Variants in DENND1A observed in about 807,000 individuals in gnomAD.
DENND1A encodes DENN domain-containing protein 1A.
DENND1A carries 51 observed loss-of-function variants against 113.7 expected under a neutral mutation model. The observed-to-expected ratio is 0.45, with a 90% confidence interval of 0.36 to 0.57. The LOEUF is 0.57. DENND1A is among the 20% of genes least tolerant of loss of function. DENND1A has a pLI of 0.00. For synonymous variants in DENND1A, 565 were observed against 570.8 expected, an observed-to-expected ratio of 0.99 and a Z score of 0.14; for missense variants, 1,258 against 1,395.9, an observed-to-expected ratio of 0.90 and a Z score of 1.57.
chr9:123,381,285 TG>T lies in DENND1A; in HGVS notation c.*146del. ...GGCCAGACATCAGAGATGGGCAGTG[TG>T]GAGGGGAGGAGGGGGCAGCAGAGAG... is the stretch of plus-strand genomic sequence containing the variant. On this transcript the variant is annotated 3_prime_UTR_variant, in exon 24 of 24. Coordinates refer to ENST00000394215, the MANE Select transcript of DENND1A (RefSeq NM_001352964.2). The surrounding 1 kb of genome is among the most constrained non-coding windows in gnomAD (Gnocchi z 4.7). The T allele has an allele frequency of 1.4e-6, 1 of 729,100 alleles. No individual in the cohort carries two copies. Among genetic ancestry groups the T allele is most frequent in the Non-Finnish European group, 2.2e-6 (1 of 446,950 alleles). 45.2% of individuals were successfully genotyped at this position (729,100 alleles called of 1,614,324 possible).
intron 13 of DENND1A, among the ~76,000 whole-genome samples, chr9:123,470,250 C>T (rs2049290295): frequency 6.6e-6 from 1 of 152,160 alleles, no homozygotes; most frequent in Non-Finnish European, 1.5e-5. Context: ...ATGAGTGAGA[C>T]GGTGACGACC....
chr9:123,867,708 C>G (rs1185990787), intron 2 of DENND1A, among the ~76,000 whole-genome samples: 1 of 152,108 alleles, frequency 6.6e-6, no homozygotes, highest in Non-Finnish European at 1.5e-5. Flanking sequence ...TGGTCCTGAA[C>G]AGCTCCCCCA....
At chr9:123,562,866 T>C (rs2057838100) in intron 12 of DENND1A, among the ~76,000 whole-genome samples, 1 of 152,148 alleles carries the variant, frequency 6.6e-6, no homozygotes, top group African/African-American at 2.4e-5. Context: ...TTCTACCTCC[T>C]TTCCTGATGG....
chr9:123,418,258 G>C (rs374559572), intron 19 of DENND1A, among the ~76,000 whole-genome samples: 30 of 152,206 alleles, frequency 2.0e-4, no homozygotes, highest in East Asian at 1.9e-3. Context: ...ACACAAGAGA[G>C]GGTAAGACCG....
chr9:123,480,578 A>T (rs2050253765), intron 13 of DENND1A, among the ~76,000 whole-genome samples: 1 of 152,198 alleles, frequency 6.6e-6, no homozygotes, highest in Non-Finnish European at 1.5e-5. Context: ...CAGGTGCCAT[A>T]GTTCCAGGAA....
chr9:123,694,367 A>T (rs1460448087), intron 5 of DENND1A, among the ~76,000 whole-genome samples: 1 of 152,178 alleles, frequency 6.6e-6, no homozygotes, highest in Non-Finnish European at 1.5e-5. Context: ...ATCAAGCCCA[A>T]CCAGGTGAGG....
At chr9:123,883,597 G>T (rs370375458) in intron 1 of DENND1A, among the ~76,000 whole-genome samples, 41 of 152,248 alleles carry the variant, frequency 2.7e-4, no homozygotes, top group African/African-American at 8.9e-4. Context: ...CAGTTAAGTA[G>T]AATTCTTCCA....
At chr9:123,859,432 T>G (rs1844743343) in intron 2 of DENND1A, among the ~76,000 whole-genome samples, 1 of 151,286 alleles carries the variant, frequency 6.6e-6, no homozygotes, top group South Asian at 2.1e-4. Flanking sequence ...TGACAGACAA[T>G]GCAGGTATAG....
At chr9:123,721,948 C>T (rs2067372222) in intron 5 of DENND1A, among the ~76,000 whole-genome samples, 2 of 152,148 alleles carry the variant, frequency 1.3e-5, no homozygotes, top group Non-Finnish European at 1.5e-5. Context: ...GACTTTGGAA[C>T]TGGGTAACAG....
chr9:123,665,364 T>C (rs907823592), intron 8 of DENND1A, among the ~76,000 whole-genome samples: 4 of 152,158 alleles, frequency 2.6e-5, no homozygotes, highest in African/African-American at 9.7e-5. Flanking sequence ...CGAGTAGTAG[T>C]ACTCAATCAA....
chr9:123,701,393 C>A (rs145407067), intron 5 of DENND1A, among the ~76,000 whole-genome samples: 61 of 152,296 alleles, frequency 4.0e-4, no homozygotes, highest in Non-Finnish European at 6.6e-4. Flanking sequence ...CCTCCCCTTA[C>A]CTCAGGCAGT....
intron 19 of DENND1A, among the ~76,000 whole-genome samples, chr9:123,426,328 C>G (rs973443830): frequency 6.6e-6 from 1 of 152,168 alleles, no homozygotes; most frequent in Non-Finnish European, 1.5e-5. Context: ...ACACAGGACC[C>G]CAGGGATATG....
rs781757978 is a variant in DENND1A, at chr9:123,440,316, A to T, written c.1488+44T>A. On this transcript the variant is annotated intron_variant, in intron 19 of 23. Coordinates refer to ENST00000394215, the MANE Select transcript of DENND1A (RefSeq NM_001352964.2). ...TGCTACTGCTGCTAAAAACAAAAAT[A>T]AAAAAAAAACAAAACAGACAGGTAG... The T allele has an allele frequency of 6.8e-6, 10 of 1,465,068 alleles. No individual in the cohort carries two copies. The African/African-American group carries it at 8.8e-5, about 13-fold the overall frequency. 90.8% of individuals were successfully genotyped at this position (1,465,068 alleles called of 1,614,324 possible). A position where few individuals can be genotyped will look rare whatever the true frequency, so the allele number is the denominator to read the frequency against.
chr9:123,497,889 T>C (rs1049878022), intron 13 of DENND1A, among the ~76,000 whole-genome samples: 4 of 151,192 alleles, frequency 2.6e-5, no homozygotes, highest in African/African-American at 7.3e-5. Flanking sequence ...AATGGGACAC[T>C]GATTTTATAA....
intron 13 of DENND1A, among the ~76,000 whole-genome samples, chr9:123,529,920 C>T (rs887601581): frequency 2.6e-5 from 4 of 152,134 alleles, no homozygotes; most frequent in Non-Finnish European, 5.9e-5. Flanking sequence ...TATTTTACCT[C>T]GGGAAAAATC....
intron 22 of DENND1A, among the ~76,000 whole-genome samples, chr9:123,384,533 C>T (rs756290820): frequency 6.6e-6 from 1 of 152,230 alleles, no homozygotes; most frequent in Admixed American, 6.5e-5. Flanking sequence ...TGAGCAAATG[C>T]GGTGCCCGGC....
intron 9 of DENND1A, among the ~76,000 whole-genome samples, chr9:123,650,525 A>G (rs530543520): frequency 2.0e-5 from 3 of 152,330 alleles, no homozygotes; most frequent in East Asian, 3.9e-4. Context: ...ATTTCTGTAT[A>G]TAAGTTTTGT....
chr9:123,701,711 G>C (rs897963941), intron 5 of DENND1A, among the ~76,000 whole-genome samples: 1 of 152,176 alleles, frequency 6.6e-6, no homozygotes, highest in African/African-American at 2.4e-5. Flanking sequence ...TCCCAGTGCT[G>C]TACCAGCCTT....
At chr9:123,651,422 ACTCT>A (rs1017765556) in intron 9 of DENND1A, among the ~76,000 whole-genome samples, 18 of 151,994 alleles carry the variant, frequency 1.2e-4, no homozygotes, top group African/African-American at 3.1e-4. Context: ...GCACACACAC[ACTCT>A]CTCTCTTTCC....
Sources: gnomAD v4.1 joint callset for allele counts (sites outside exome capture counted in the v4.1 genomes callset) on GRCh38, gnomAD v4.1.1 for gene constraint, Gnocchi (gnomAD v3.1) non-coding constraint, MANE v1.5 for transcripts, NCBI Gene and HGNC (gene_info 2026-07-23, HGNC 2026-07-21) for gene names.